FAM131C: variants seen among roughly 807,000 people sequenced by gnomAD.
FAM131C encodes protein FAM131C.
In FAM131C, 14 loss-of-function variants were observed where a neutral mutation model predicts 29.8. The observed-to-expected ratio is 0.47, with a 90% CI of 0.31 to 0.73. The LOEUF is 0.73. Ranked by LOEUF, FAM131C falls within the 30% of genes least tolerant of loss-of-function variation. The pLI is 0.05. For missense variants in FAM131C, 252 were observed against 383.8 expected (o/e 0.66, Z 2.87); for synonymous variants, 86 against 157.8 (o/e 0.54, Z 3.41).
At chr1:16,072,652 TC>T (rs1409029649) in intron 1 of FAM131C, among the ~76,000 whole-genome samples, 1 of 151,818 alleles carries the variant, frequency 6.6e-6, no homozygotes, top group Non-Finnish European at 1.5e-5. Context: ...AAACTGCCCA[TC>T]CCCCAATCTC....
intron 1 of FAM131C, among the ~76,000 whole-genome samples, chr1:16,069,923 A>G (rs2023731109): frequency 6.6e-6 from 1 of 152,054 alleles, no homozygotes; most frequent in South Asian, 2.1e-4. Flanking sequence ...CACCACAGCT[A>G]GGTAATTTTT....
intron 1 of FAM131C, among the ~76,000 whole-genome samples, chr1:16,067,242 C>T (rs1448167436): frequency 6.6e-6 from 1 of 152,184 alleles, no homozygotes; most frequent in Non-Finnish European, 1.5e-5. Flanking sequence ...AGGCTGGTTG[C>T]CATGGGGACG....
intron 1 of FAM131C, among the ~76,000 whole-genome samples, chr1:16,066,019 C>T (rs993725694): frequency 4.6e-5 from 7 of 152,132 alleles, no homozygotes; most frequent in African/African-American, 1.4e-4. Context: ...CCTGCCTCAG[C>T]CTCCTGAGTA....
At chr1:16,060,902 G>A (rs888746067) in intron 4 of FAM131C, among the ~76,000 whole-genome samples, 39 of 152,092 alleles carry the variant, frequency 2.6e-4, no homozygotes, top group African/African-American at 8.2e-4. Flanking sequence ...AGGATTAGGG[G>A]TTACCGCAGG....
At chr1:16,059,001 G>A (rs1309520507) in intron 6 of FAM131C, among the ~76,000 whole-genome samples, 1 of 152,046 alleles carries the variant, frequency 6.6e-6, no homozygotes, top group African/African-American at 2.4e-5. Context: ...CGTCCCTCTT[G>A]GGGCAGGAGG....
intron 1 of FAM131C, among the ~76,000 whole-genome samples, chr1:16,066,758 G>C (rs2023688451): frequency 6.6e-6 from 1 of 152,196 alleles, no homozygotes; most frequent in African/African-American, 2.4e-5. Flanking sequence ...AATTTTCTCT[G>C]TGTGTATTCT....
At chr1:16,071,744 A>T (rs1570360246) in intron 1 of FAM131C, among the ~76,000 whole-genome samples, 2 of 152,172 alleles carry the variant, frequency 1.3e-5, no homozygotes, top group Admixed American at 6.5e-5. Flanking sequence ...GCCCTGGCAG[A>T]GGGGGCGGTG....
At chr1:16,064,864 C>T (rs1339795210) in intron 1 of FAM131C, among the ~76,000 whole-genome samples, 4 of 152,234 alleles carry the variant, frequency 2.6e-5, no homozygotes, top group Non-Finnish European at 5.9e-5. Flanking sequence ...GGGGGCTGCT[C>T]CAGCCTCTTC....
intron 2 of FAM131C, 97 bp from the exon 3 acceptor site, chr1:16,062,631 C>T (rs2023618776): frequency 3.5e-6 from 5 of 1,437,918 alleles, no homozygotes; most frequent in South Asian, 1.4e-5. Context: ...GGGGGTCAGC[C>T]TTCTTCTGGT....
chr1:16,067,930 G>T (rs939485010), intron 1 of FAM131C, among the ~76,000 whole-genome samples: 1 of 152,150 alleles, frequency 6.6e-6, no homozygotes, highest in Non-Finnish European at 1.5e-5. Context: ...TGCCTCCCAG[G>T]GCTCTGCACC....
chr1:16,064,717 C>T (rs923733307), intron 1 of FAM131C, among the ~76,000 whole-genome samples: 1 of 152,244 alleles, frequency 6.6e-6, no homozygotes, highest in Non-Finnish European at 1.5e-5. Context: ...CCTCTGCTCC[C>T]TTCTCGCTGG....
intron 1 of FAM131C, 78 bp from the exon 2 acceptor site, chr1:16,063,714 G>A (rs753560800): frequency 8.8e-5 from 80 of 912,488 alleles, no homozygotes; most frequent in Non-Finnish European, 1.2e-4. Flanking sequence ...AGGCCCCCCC[G>A]TAAGGTGAGT....
chr1:16,069,361 T>A (rs1336985060), intron 1 of FAM131C, among the ~76,000 whole-genome samples: 7 of 152,248 alleles, frequency 4.6e-5, no homozygotes, highest in African/African-American at 1.7e-4. Context: ...GGTGTAGGAC[T>A]GCTCAGGACT....
intron 1 of FAM131C, among the ~76,000 whole-genome samples, chr1:16,067,877 G>A (rs918955675): frequency 1.3e-5 from 2 of 152,088 alleles, no homozygotes; most frequent in Admixed American, 6.5e-5. Flanking sequence ...GGGGCTCCGT[G>A]TCCCAACCCA....
chr1:16,063,634 G>A lies in FAM131C; in HGVS notation c.25C>T (p.Leu9=). 1 of 1,600,734 alleles carries A rather than the reference G, an allele frequency of 6.2e-7. No individual in the cohort carries two copies. Among genetic ancestry groups the A allele is most frequent in the Non-Finnish European group, 8.5e-7 (1 of 1,172,002 alleles). MGSCVSRD[L]FTSAHKNCPM... ...CAGTTCTTGTGGGCACTTGTGAACAGGTCTGGAAATAAGAGCAAGAGGAGG... is the reference window on the plus strand; with the variant it reads ...CAGTTCTTGTGGGCACTTGTGAACAAGTCTGGAAATAAGAGCAAGAGGAGG... Residue 9 remains leucine (L), a splice_region_variant and synonymous_variant, in exon 2 of 7, where the codon CTG becomes TTG. Transcript: ENST00000375662.
At chr1:16,067,916 A>G (rs1230409897) in intron 1 of FAM131C, among the ~76,000 whole-genome samples, 1 of 152,110 alleles carries the variant, frequency 6.6e-6, no homozygotes, top group Non-Finnish European at 1.5e-5. Context: ...ATCTACCCCA[A>G]GAGTGCCTCC....
At position 16,058,425 on chromosome 1, in the gene FAM131C, A is replaced by C. The variant is rs1380142132; in HGVS notation, c.*12T>G. 1.4e-6 allele frequency: 2 copies of C among 1,456,670 alleles called. No homozygotes were observed. The highest frequency in any genetic ancestry group is 1.4e-5 in the African/African-American group (1 of 69,864). The allele number at this position is 1,456,670 out of a possible 1,614,324, so 90.2% of individuals were successfully genotyped here. A position where few individuals can be genotyped will look rare whatever the true frequency, so the allele number is the denominator to read the frequency against. On this transcript the variant is annotated 3_prime_UTR_variant, in exon 7 of 7. Transcript: ENST00000375662. The stretch of plus-strand genomic sequence containing the variant: ...TGGTGAGAGCAGGTGCTGGACCAGC[A>C]CAGCCCCCACCTCAGTTATAGAACA...
At chr1:16,070,506 T>G (rs1466615046) in intron 1 of FAM131C, among the ~76,000 whole-genome samples, 1 of 151,870 alleles carries the variant, frequency 6.6e-6, no homozygotes, top group African/African-American at 2.4e-5. Flanking sequence ...TAATAAAAAT[T>G]AAAGGCCGGG....
chr1:16,064,622 G>A (rs960121602), intron 1 of FAM131C, among the ~76,000 whole-genome samples: 33 of 152,152 alleles, frequency 2.2e-4, no homozygotes, highest in African/African-American at 7.7e-4. Context: ...CCACTGGGTG[G>A]GGCCGTCAGC....
Sources: gnomAD v4.1 joint callset for allele counts (sites outside exome capture counted in the v4.1 genomes callset) on GRCh38, gnomAD v4.1.1 for gene constraint, MANE v1.5 for transcripts, NCBI Gene and HGNC (gene_info 2026-07-23, HGNC 2026-07-21) for gene names.